The following PRKN variants were observed in gnomAD, a reference collection of about 807,000 sequenced individuals.
PRKN encodes E3 ubiquitin-protein ligase parkin.
PRKN carries 56 observed loss-of-function variants against 59.5 expected under a neutral mutation model. The ratio of observed to expected loss-of-function variants is 0.94; its 90% CI spans 0.76 to 1.18. The LOEUF (loss-of-function observed/expected upper bound fraction) is 1.18, where lower values mean the gene tolerates loss of function less well. PRKN is among the 50% of genes most tolerant of loss of function. PRKN has a pLI of 0.00. For missense variants in PRKN, 657 were observed against 596.4 expected, an observed-to-expected ratio of 1.10 and a Z score of -1.06; for synonymous variants, 250 against 222.1, an observed-to-expected ratio of 1.13 and a Z score of -1.12.
chr6:162,523,953 G>A (rs535371660), intron 1 of PRKN, among the ~76,000 whole-genome samples: 28 of 152,112 alleles, frequency 1.8e-4, no homozygotes, highest in African/African-American at 6.3e-4. Flanking sequence ...TAAGCACAAC[G>A]GCTAGATTTC....
rs377443224 is a variant in PRKN at position 162,570,595 on chromosome 6, A to G, written c.8-127122T>C. ...ATCCATCAACAGATGAATAATGCAT[A>G]AGGAAAACGTGGTACACATGTACAA... On this transcript the variant is annotated intron_variant, in intron 1 of 11. Coordinates refer to ENST00000366898, the MANE Select transcript of PRKN (RefSeq NM_004562.3). Among the ~76,000 whole-genome samples the G allele has an allele frequency of 1.4e-3, 209 of 152,354 alleles. 2 individuals carry two copies. The South Asian group carries it at 0.016, about 12-fold the overall frequency.
chr6:162,004,778 T>C (rs1782185670), intron 5 of PRKN, among the ~76,000 whole-genome samples: 1 of 152,210 alleles, frequency 6.6e-6, no homozygotes, highest in Non-Finnish European at 1.5e-5. Flanking sequence ...TTTTGCAAAC[T>C]GGCTGTTGAT....
intron 7 of PRKN, among the ~76,000 whole-genome samples, chr6:161,707,094 T>C (rs35626845): frequency 0.45 from 68,930 of 151,768 alleles, 16,022 homozygotes; most frequent in Admixed American, 0.61. Context: ...TTGGTAGATT[T>C]GAAGCAATGC....
At chr6:162,593,556 G>C (rs886889070) in intron 1 of PRKN, among the ~76,000 whole-genome samples, 1 of 152,128 alleles carries the variant, frequency 6.6e-6, no homozygotes, top group Admixed American at 6.5e-5. Context: ...ACTGGGTTCA[G>C]CAAACAAAGG....
At chr6:161,791,680 T>C (rs758965967) in intron 6 of PRKN, among the ~76,000 whole-genome samples, 26 of 152,218 alleles carry the variant, frequency 1.7e-4, no homozygotes, top group Admixed American at 1.3e-4. Context: ...CTCAAGGACA[T>C]ATAAATCCAG....
rs576043836 is a variant in PRKN at position 162,568,475 on chromosome 6, C to T, written c.8-125002G>A. On this transcript the variant is annotated intron_variant, in intron 1 of 11. Coordinates refer to ENST00000366898, the MANE Select transcript of PRKN (RefSeq NM_004562.3). Reference sequence around the variant, plus strand: ...GCCTGGGTGGAGGCTCTGGTGGGGCCGGCGGCATGGGAGGCATCACCGCCG... The same window carrying T: ...GCCTGGGTGGAGGCTCTGGTGGGGCTGGCGGCATGGGAGGCATCACCGCCG... 7.0e-5 allele frequency: 45 copies of T among 646,110 alleles called. 1 individual carries two copies. The highest frequency in any genetic ancestry group is 4.7e-4 in the African/African-American group (26 of 55,434). The allele number at this position is 646,110 out of a possible 1,614,324, so 40.0% of individuals were successfully genotyped here. A position where few individuals can be genotyped will look rare whatever the true frequency, so the allele number is the denominator to read the frequency against.
chr6:161,725,523 C>T (rs929297451), intron 7 of PRKN, among the ~76,000 whole-genome samples: 2 of 152,184 alleles, frequency 1.3e-5, no homozygotes, highest in African/African-American at 4.8e-5. Flanking sequence ...GAGCCTGAAT[C>T]TTTTAAGGTA....
intron 6 of PRKN, among the ~76,000 whole-genome samples, chr6:161,904,247 A>T (rs1212534823): frequency 6.6e-6 from 1 of 151,706 alleles, no homozygotes; most frequent in Admixed American, 6.6e-5. Context: ...TTTGGGGGGA[A>T]AAAAATAGCC....
intron 6 of PRKN, among the ~76,000 whole-genome samples, chr6:161,909,208 A>G (rs1295873995): frequency 6.6e-6 from 1 of 152,240 alleles, no homozygotes; most frequent in Non-Finnish European, 1.5e-5. Flanking sequence ...TCTGCTCATG[A>G]GAAGGCATTT....
rs199898133 is a variant in PRKN, at chr6:162,443,080, TTC to T, written c.171+228_171+229del. Among the ~76,000 whole-genome samples the T allele has an allele frequency of 6.5e-3, 976 of 151,086 alleles. 14 individuals carry two copies. The highest frequency in any genetic ancestry group is 0.021 in the African/African-American group (853 of 40,416). ...TCACTAAGCCTAGCTCGTGTGTTCT[TTC>T]TCTCTCTCTTTCTCACTCGCAGTTG... On this transcript the variant is annotated intron_variant, in intron 2 of 11. Transcript: ENST00000366898.
At chr6:161,630,503 A>G (rs941102084) in intron 7 of PRKN, among the ~76,000 whole-genome samples, 8 of 152,236 alleles carry the variant, frequency 5.3e-5, no homozygotes, top group Non-Finnish European at 1.0e-4. Context: ...ATGAGTTTCC[A>G]AAAGCAGAGA....
At chr6:162,472,343 AC>A (rs1270122733) in intron 1 of PRKN, among the ~76,000 whole-genome samples, 344 of 137,824 alleles carry the variant, frequency 2.5e-3, no homozygotes, top group Non-Finnish European at 4.1e-3. Context: ...TCCTAATGCT[AC>A]CCCTCCCCCC....
chr6:161,533,831 T>C lies in PRKN; in HGVS notation c.1083+15023A>G, dbSNP rs1468104173. ...TGTACTTAATTTTCTTGGCGTGAGATAAGGAACCCTGGGGATTTACCCTAG... is the reference window on the plus strand; with the variant it reads ...TGTACTTAATTTTCTTGGCGTGAGACAAGGAACCCTGGGGATTTACCCTAG... On this transcript the variant is annotated intron_variant, in intron 9 of 11. Coordinates refer to ENST00000366898, the MANE Select transcript of PRKN (RefSeq NM_004562.3). The surrounding 1 kb of genome is among the most constrained non-coding windows in gnomAD (Gnocchi z 4.1). Among the ~76,000 whole-genome samples the C allele has an allele frequency of 6.6e-6, 1 of 152,038 alleles. No homozygotes were observed. The highest frequency in any genetic ancestry group is 6.5e-5 in the Admixed American group (1 of 15,270).
intron 9 of PRKN, among the ~76,000 whole-genome samples, chr6:161,453,322 C>T (rs1376269940): frequency 2.6e-5 from 4 of 152,120 alleles, no homozygotes; most frequent in Admixed American, 2.0e-4. Flanking sequence ...TGTGTGTGTG[C>T]ATGTGTTATT....
intron 6 of PRKN, among the ~76,000 whole-genome samples, chr6:161,900,658 A>T (rs1583319405): frequency 7.6e-6 from 1 of 132,188 alleles, no homozygotes; most frequent in South Asian, 2.2e-4. Context: ...TATATATAAC[A>T]TATATTATAT....
intron 1 of PRKN, among the ~76,000 whole-genome samples, chr6:162,647,501 A>G (rs935001404): frequency 1.3e-5 from 2 of 152,184 alleles, no homozygotes; most frequent in Non-Finnish European, 2.9e-5. Flanking sequence ...AGGTCTTAAC[A>G]GCCTTAAAAA....
rs1781611317 is a variant in PRKN, at chr6:161,588,806, C to T, written c.872-19390G>A. ...AGAAGGACAGAACTTAATTTTGGCA[C>T]AAGCCTAGGACTGCCAGATTTAGCA... On this transcript the variant is annotated intron_variant, in intron 7 of 11. Transcript: ENST00000366898. The surrounding 1 kb of genome is among the most constrained non-coding windows in gnomAD (Gnocchi z 5.0). Among the ~76,000 whole-genome samples the T allele has an allele frequency of 6.6e-6, 1 of 152,138 alleles. No homozygotes were observed.
At position 161,728,415 on chromosome 6, in the gene PRKN, C is replaced by T. The variant is rs752914561; in HGVS notation, c.871+57357G>A. ...TAGCCTACACTGCCCTCCAAAACCC[C>T]GTGTGAGGGATCCCACCAGACTCGC... On this transcript the variant is annotated intron_variant, in intron 7 of 11. Transcript: ENST00000366898. 3.9e-5 allele frequency among the ~76,000 whole-genome samples: 6 copies of T among 152,246 alleles called. No homozygotes were observed. In the East Asian group the frequency reaches 5.8e-4, roughly 15 times the overall value.
intron 6 of PRKN, among the ~76,000 whole-genome samples, chr6:161,824,425 G>C (rs114653594): frequency 0.023 from 3,461 of 152,220 alleles, 124 homozygotes; most frequent in African/African-American, 0.08. Context: ...TATTTTAATG[G>C]AAACCACTTG....
Sources: allele counts gnomAD v4.1 joint callset (sites outside exome capture counted in the v4.1 genomes callset), GRCh38; gene constraint gnomAD v4.1.1; non-coding constraint Gnocchi (gnomAD v3.1); transcripts MANE v1.5; gene names NCBI Gene and HGNC (gene_info 2026-07-23, HGNC 2026-07-21).